Variants in WWOX observed in about 807,000 individuals in gnomAD.
The protein encoded by WWOX is WW domain containing oxidoreductase.
In WWOX, 69 loss-of-function variants were observed where a neutral mutation model predicts 46.2. The observed-to-expected ratio is 1.49, with a 90% CI of 1.23 to 1.82. The LOEUF is 1.82. Among genes scored for constraint, WWOX ranks in the 40% most tolerant of loss-of-function variants. WWOX has a pLI of 0.00. For synonymous variants in WWOX, 359 were observed against 202.6 expected, an observed-to-expected ratio of 1.77 and a Z score of -6.56; for missense variants, 919 against 542.6, an observed-to-expected ratio of 1.69 and a Z score of -6.89.
At chr16:78,437,608 T>G (rs2083362516) in intron 8 of WWOX, among the ~76,000 whole-genome samples, 1 of 152,212 alleles carries the variant, frequency 6.6e-6, no homozygotes, top group Non-Finnish European at 1.5e-5. Context: ...TGGACAAGTG[T>G]ATTGGGGCGT....
intron 5 of WWOX, among the ~76,000 whole-genome samples, chr16:78,303,228 T>C (rs1202832634): frequency 1.3e-5 from 2 of 152,242 alleles, no homozygotes; most frequent in Non-Finnish European, 2.9e-5. Flanking sequence ...ACTTAAGCAA[T>C]GACAAATTCT....
chr16:78,845,408 C>G (rs542979889), intron 8 of WWOX, among the ~76,000 whole-genome samples: 1 of 152,258 alleles, frequency 6.6e-6, no homozygotes, highest in South Asian at 2.1e-4. Context: ...CATTCCAAAC[C>G]CTTTTTAGGA....
At chr16:79,120,045 A>C (rs1402670680) in intron 8 of WWOX, among the ~76,000 whole-genome samples, 1 of 152,174 alleles carries the variant, frequency 6.6e-6, no homozygotes, top group Non-Finnish European at 1.5e-5. Context: ...GGGCAGGGAA[A>C]CCGCAACTGC....
At chr16:79,098,300 C>G (rs2049117816) in intron 8 of WWOX, among the ~76,000 whole-genome samples, 1 of 152,184 alleles carries the variant, frequency 6.6e-6, no homozygotes, top group Non-Finnish European at 1.5e-5. Context: ...GAAACTGAGT[C>G]TCAGTGTCTG....
intron 8 of WWOX, among the ~76,000 whole-genome samples, chr16:79,186,962 T>C (rs2051028042): frequency 6.6e-6 from 1 of 152,198 alleles, no homozygotes; most frequent in Non-Finnish European, 1.5e-5. Context: ...GGTGTCACTA[T>C]ATCATAATAT....
chr16:78,109,682 T>C (rs2151667513), intron 2 of WWOX, 96 bp from the exon 3 acceptor site: 1 of 1,264,212 alleles, frequency 7.9e-7, no homozygotes, highest in South Asian at 1.2e-5. Context: ...AGGGACAGGC[T>C]TGGGGGCGGG....
At chr16:78,341,189 A>G (rs2081007330) in intron 5 of WWOX, among the ~76,000 whole-genome samples, 1 of 116,008 alleles carries the variant, frequency 8.6e-6, no homozygotes, top group South Asian at 2.6e-4. Context: ...TTTAAGAGAA[A>G]TGAAGTCTCA....
intron 8 of WWOX, among the ~76,000 whole-genome samples, chr16:78,612,911 A>G (rs1301115811): frequency 6.6e-6 from 1 of 152,136 alleles, no homozygotes; most frequent in Non-Finnish European, 1.5e-5. Flanking sequence ...GAAATAGTAA[A>G]TTTTAGTATG....
chr16:78,652,445 G>T (rs1049206921), intron 8 of WWOX, among the ~76,000 whole-genome samples: 2 of 150,766 alleles, frequency 1.3e-5, no homozygotes, highest in Non-Finnish European at 3.0e-5. Context: ...AAAGAAAAAG[G>T]TGTTTGGAAG....
intron 8 of WWOX, among the ~76,000 whole-genome samples, chr16:78,816,364 T>C (rs2051330277): frequency 6.6e-6 from 1 of 152,204 alleles, no homozygotes; most frequent in African/African-American, 2.4e-5. Flanking sequence ...TTGATAGTCT[T>C]GGTGTGTTCT....
At chr16:78,238,286 G>A (rs1310111591) in intron 5 of WWOX, 1 of 152,270 alleles carries the variant, frequency 6.6e-6, no homozygotes, top group African/African-American at 2.4e-5. Context: ...CCTTTCTAGT[G>A]TGAATGTTCA....
At chr16:78,871,173 G>GTTT (rs34322186) in intron 8 of WWOX, among the ~76,000 whole-genome samples, 2 of 133,752 alleles carry the variant, frequency 1.5e-5, no homozygotes, top group Non-Finnish European at 1.6e-5. Context: ...CGTGAAGGTT[G>GTTT]TTTTTTTTTT....
At chr16:79,115,706 T>A (rs2049502542) in intron 8 of WWOX, among the ~76,000 whole-genome samples, 3 of 152,182 alleles carry the variant, frequency 2.0e-5, no homozygotes, top group African/African-American at 7.2e-5. Flanking sequence ...GGTTGCACTT[T>A]TAAATAAGAG....
intron 5 of WWOX, among the ~76,000 whole-genome samples, chr16:78,337,741 ATG>A (rs529152693): frequency 8.0e-6 from 1 of 124,504 alleles, no homozygotes; most frequent in African/African-American, 2.7e-5. Flanking sequence ...AGTGCTCAGA[ATG>A]AAATATCCCT....
intron 8 of WWOX, among the ~76,000 whole-genome samples, chr16:79,058,050 C>G (rs1179022797): frequency 6.7e-6 from 1 of 149,982 alleles, no homozygotes; most frequent in African/African-American, 2.5e-5. Context: ...TTGAAAACAT[C>G]ACTTTTCCTC....
At chr16:79,180,256 T>C (rs1009349193) in intron 8 of WWOX, among the ~76,000 whole-genome samples, 7 of 152,346 alleles carry the variant, frequency 4.6e-5, no homozygotes, top group Admixed American at 1.3e-4. Context: ...TGGGTCCTTA[T>C]AATACTTGTT....
chr16:79,178,291 A>G (rs1469581771), intron 8 of WWOX, among the ~76,000 whole-genome samples: 1 of 152,194 alleles, frequency 6.6e-6, no homozygotes, highest in Admixed American at 6.5e-5. Context: ...CATGGGCTGC[A>G]GTTTGCTGAT....
At chr16:78,655,542 A>T (rs2142156013) in intron 8 of WWOX, among the ~76,000 whole-genome samples, 1 of 152,272 alleles carries the variant, frequency 6.6e-6, no homozygotes, top group Non-Finnish European at 1.5e-5. Flanking sequence ...ATAATCTTTA[A>T]TCCCTTGTTT....
chr16:78,655,932 C>T (rs1016291622), intron 8 of WWOX, among the ~76,000 whole-genome samples: 2 of 152,094 alleles, frequency 1.3e-5, no homozygotes, highest in African/African-American at 4.8e-5. Context: ...CTTTGTGCAT[C>T]TTAAAATCCA....
Sources: gnomAD v4.1 joint callset for allele counts (sites outside exome capture counted in the v4.1 genomes callset) on GRCh38, gnomAD v4.1.1 for gene constraint, MANE v1.5 for transcripts, NCBI Gene and HGNC (gene_info 2026-07-23, HGNC 2026-07-21) for gene names.